Variants in SNX25 observed in about 807,000 individuals in gnomAD.
SNX25 encodes the protein sorting nexin-25.
A neutral mutation model predicts 113.7 loss-of-function variants in SNX25; 62 were observed. That is an observed-to-expected ratio of 0.55 (90% confidence interval 0.44 to 0.67). SNX25 has a LOEUF of 0.67. Among genes scored for constraint, SNX25 ranks in the 30% least tolerant of loss-of-function variants. The probability of loss-of-function intolerance (pLI) is 0.00; values close to 1 mark genes in which losing one functional copy is unlikely to be tolerated. For missense variants in SNX25, 1,014 were observed against 1,161.0 expected (o/e 0.87, Z 1.84); for synonymous variants, 421 against 436.2 (o/e 0.97, Z 0.43).
chr4:185,303,527 T>C (rs1394044945), intron 6 of SNX25, among the ~76,000 whole-genome samples: 2 of 151,656 alleles, frequency 1.3e-5, no homozygotes, highest in Non-Finnish European at 2.9e-5. Flanking sequence ...GGCGTGGTGG[T>C]GGGCACCTGT....
intron 1 of SNX25, among the ~76,000 whole-genome samples, chr4:185,239,353 G>GT (rs1560921006): frequency 6.6e-6 from 1 of 151,970 alleles, no homozygotes; most frequent in Non-Finnish European, 1.5e-5. Context: ...CGTGGTGGTG[G>GT]GCACCTGTAG....
chr4:185,368,094 C>T (rs1280460592), downstream of SNX25, among the ~76,000 whole-genome samples: 1 of 152,250 alleles, frequency 6.6e-6, no homozygotes, highest in Non-Finnish European at 1.5e-5. Context: ...AGGAGAATGG[C>T]GTGAACCTGG....
chr4:185,367,172 A>G (rs1453508658), downstream of SNX25: 1 of 1,609,162 alleles, frequency 6.2e-7, no homozygotes, highest in East Asian at 2.2e-5. Flanking sequence ...GTTGAAATAC[A>G]TTGTGGTCTA....
In SNX25 at chr4:185,334,017, C is replaced by T. The variant is rs1338807494; in HGVS notation, c.1914+1258C>T. Among the ~76,000 whole-genome samples the T allele has an allele frequency of 6.7e-6, 1 of 149,746 alleles. No individual in the cohort carries two copies. Among genetic ancestry groups the T allele is most frequent in the Non-Finnish European group, 1.5e-5 (1 of 67,752 alleles). Reference sequence around the variant, plus strand: ...TGAGCCGTGATCATGTTACTGCACTCCAGACTGGGCAATAGTCTCAAAAAA... The same window carrying T: ...TGAGCCGTGATCATGTTACTGCACTTCAGACTGGGCAATAGTCTCAAAAAA... On this transcript the variant is annotated intron_variant, in intron 10 of 18. Transcript: ENST00000652585. The surrounding 1 kb of genome is among the most constrained non-coding windows in gnomAD (Gnocchi z 4.2).
At chr4:185,369,147 G>C (rs1413760202) in intron 11 of SNX25, among the ~76,000 whole-genome samples, 1 of 150,186 alleles carries the variant, frequency 6.7e-6, no homozygotes, top group African/African-American at 2.5e-5. Context: ...AAATATATTT[G>C]ACTAGAGTTT....
At chr4:185,356,993 A>G (rs2095342114) in intron 15 of SNX25, among the ~76,000 whole-genome samples, 2 of 152,192 alleles carry the variant, frequency 1.3e-5, no homozygotes, top group Admixed American at 1.3e-4. Context: ...TCTTTCTCAC[A>G]CACGGGGAAA....
At chr4:185,293,867 G>A (rs1255998672) in intron 6 of SNX25, among the ~76,000 whole-genome samples, 3 of 152,076 alleles carry the variant, frequency 2.0e-5, no homozygotes, top group East Asian at 1.9e-4. Context: ...TGTAAAACAC[G>A]ATCGTTTATA....
rs554622714 is a variant in SNX25 at position 185,279,291 on chromosome 4, G to C, written c.1092-8721G>C. ...ACTCAAATAGTGTTGTAGGTACGTG[G>C]AGATGGTTTCCTCAACCCTTGGGGT... is the stretch of plus-strand genomic sequence containing the variant. On this transcript the variant is annotated intron_variant, in intron 5 of 18. Transcript: ENST00000652585. Among the ~76,000 whole-genome samples, 4 of 152,262 alleles carry C rather than the reference G, an allele frequency of 2.6e-5. No homozygotes were observed. The East Asian group carries it at 7.7e-4, about 29-fold the overall frequency.
chr4:185,224,558 AAT>A (rs1418143815), intron 1 of SNX25, among the ~76,000 whole-genome samples: 7 of 105,164 alleles, frequency 6.7e-5, no homozygotes, highest in Non-Finnish European at 8.8e-5. Flanking sequence ...CATATATATA[AAT>A]ATATATAAGT....
chr4:185,207,719 G>A (rs1278982870), upstream of SNX25: 1 of 152,160 alleles, frequency 6.6e-6, no homozygotes. Flanking sequence ...TTGCAATGTT[G>A]AGCATGTCAT....
intron 6 of SNX25, among the ~76,000 whole-genome samples, chr4:185,296,188 G>A (rs895428045): frequency 2.0e-5 from 3 of 152,094 alleles, no homozygotes; most frequent in Non-Finnish European, 4.4e-5. Flanking sequence ...TCCTGGCCTT[G>A]TCGTCTCCTA....
chr4:185,362,774 GA>G (rs1409049665), intron 18 of SNX25, 63 bp downstream of exon 18: 1 of 1,232,680 alleles, frequency 8.1e-7, no homozygotes. Context: ...CGTTTGGTCA[GA>G]AAAAACATGT....
Position 185,361,910 on chromosome 4 carries a change from T to C in SNX25, c.2652-14T>C, listed in dbSNP as rs1561057976. 6.2e-7 allele frequency: 1 copy of C among 1,611,162 alleles called. No individual in the cohort carries two copies. Among genetic ancestry groups the C allele is most frequent in the Non-Finnish European group, 8.5e-7 (1 of 1,178,468 alleles). On this transcript the variant is annotated splice_polypyrimidine_tract_variant and intron_variant, in intron 16 of 18. Transcript: ENST00000652585. ...TTTAAAAACCTCATCCAAGAAATCT[T>C]TTTCTCTTAAAAGACAAATCCGGGA...
At chr4:185,352,443 A>G (rs940379650) in intron 14 of SNX25, among the ~76,000 whole-genome samples, 1 of 151,810 alleles carries the variant, frequency 6.6e-6, no homozygotes, top group East Asian at 1.9e-4. Context: ...GCACACCCAC[A>G]CCTGCTCCAG....
intron 5 of SNX25, among the ~76,000 whole-genome samples, chr4:185,271,074 C>T (rs1268808250): frequency 1.3e-5 from 2 of 152,134 alleles, no homozygotes; most frequent in African/African-American, 4.8e-5. Context: ...CCTCCTGCCA[C>T]AGCGTACCCA....
chr4:185,230,045 G>A (rs1741597991), intron 1 of SNX25, among the ~76,000 whole-genome samples: 1 of 152,080 alleles, frequency 6.6e-6, no homozygotes, highest in African/African-American at 2.4e-5. Flanking sequence ...GCCCAGGCTG[G>A]GCTTTGAATT....
chr4:185,355,006 G>A (rs1452118101), intron 15 of SNX25, among the ~76,000 whole-genome samples: 2 of 152,242 alleles, frequency 1.3e-5, no homozygotes, highest in African/African-American at 4.8e-5. Context: ...AAAGGAGTAG[G>A]CTACCAGTTG....
intron 7 of SNX25, among the ~76,000 whole-genome samples, chr4:185,315,763 C>A (rs565710011): frequency 4.8e-4 from 73 of 152,328 alleles, no homozygotes; most frequent in Middle Eastern, 3.4e-3. Context: ...TCTCATGACC[C>A]TGGACAGAAA....
At chr4:185,377,014 G>GTA in the SNX25 span, 4 of 1,605,930 alleles carry the variant, frequency 2.5e-6, no homozygotes, top group South Asian at 3.3e-5. Flanking sequence ...TAGCATGGGT[G>GTA]TAATCTGATT....
Sources: allele counts gnomAD v4.1 joint callset (sites outside exome capture counted in the v4.1 genomes callset), GRCh38; gene constraint gnomAD v4.1.1; non-coding constraint Gnocchi (gnomAD v3.1); transcripts MANE v1.5; gene names NCBI Gene and HGNC (gene_info 2026-07-23, HGNC 2026-07-21).